The following IDH3A variants were observed in gnomAD, a reference collection of about 807,000 sequenced individuals.
The protein encoded by IDH3A is isocitrate dehydrogenase (NAD(+)) 3 catalytic subunit alpha.
Under a neutral mutation model 43.3 loss-of-function variants are expected in IDH3A, and 23 were observed. That is an observed-to-expected ratio of 0.53 (90% CI 0.38 to 0.75). The LOEUF is 0.75. Ranked by LOEUF, IDH3A falls within the 30% of genes least tolerant of loss-of-function variation. IDH3A has a pLI of 0.00. For missense variants in IDH3A, 329 were observed against 474.4 expected, an observed-to-expected ratio of 0.69 and a Z score of 2.85; for synonymous variants, 154 against 163.5, an observed-to-expected ratio of 0.94 and a Z score of 0.44.
At chr15:78,153,287 G>T (rs975656820) in intron 1 of IDH3A, among the ~76,000 whole-genome samples, 3 of 152,170 alleles carry the variant, frequency 2.0e-5, no homozygotes, top group African/African-American at 7.2e-5. Context: ...TAGAGACAGG[G>T]TCTCACTTTG....
In IDH3A at chr15:78,171,478, A is replaced by G; in HGVS notation, c.*2473A>G. On this transcript the variant is annotated 3_prime_UTR_variant, in exon 11 of 11. Transcript: ENST00000299518. ...TTGCTCTTGGTAAAAGGAGTCAATG[A>G]TACCTTTGTACTTCTCCAAAACTGT... is the stretch of plus-strand genomic sequence containing the variant. The G allele has an allele frequency of 6.8e-6, 11 of 1,614,186 alleles. No homozygotes were observed. The highest frequency in any genetic ancestry group is 9.3e-6 in the Non-Finnish European group (11 of 1,180,004).
chr15:78,164,440 C>T (rs1426679528), intron 8 of IDH3A, among the ~76,000 whole-genome samples: 3 of 151,624 alleles, frequency 2.0e-5, no homozygotes, highest in African/African-American at 7.3e-5. Context: ...GCAACCTCTA[C>T]CTCCCAGGTT....
Position 78,162,379 on chromosome 15 carries a change from G to A in IDH3A, c.611+12G>A. ...AAAGCCAACATCATGTGAGCTCCTT[G>A]CGGGGGCCGGCACCCCATCTTGCTT... On this transcript the variant is annotated intron_variant, in intron 6 of 10. Transcript: ENST00000299518. The A allele has an allele frequency of 6.2e-7, 1 of 1,612,516 alleles. No individual in the cohort carries two copies. Among genetic ancestry groups the A allele is most frequent in the Non-Finnish European group, 8.5e-7 (1 of 1,179,050 alleles).
chr15:78,163,787 C>G lies in IDH3A; in HGVS notation c.779+7C>G, dbSNP rs771318869. On this transcript the variant is annotated splice_region_variant and intron_variant, in intron 8 of 10. Transcript: ENST00000299518. The stretch of plus-strand genomic sequence containing the variant: ...TGTATGGAGACATCCTTAGGTGAGT[C>G]TGGCTGCAACCTATTTATTTTAGCC... 1 of 1,583,160 alleles carries G rather than the reference C, an allele frequency of 6.3e-7. No individual in the cohort carries two copies. The highest frequency in any genetic ancestry group is 1.3e-5 in the African/African-American group (1 of 74,286).
intron 6 of IDH3A, among the ~76,000 whole-genome samples, 179 bp downstream of exon 6, chr15:78,162,546 T>C (rs999453954): frequency 2.3e-5 from 1 of 44,000 alleles, no homozygotes; most frequent in Non-Finnish European, 5.1e-5. Context: ...TTCTCCTCTG[T>C]TTTTTTTTTT....
intron 6 of IDH3A, 28 bp from the exon 7 acceptor site, chr15:78,163,479 T>TC (rs2074704915): frequency 6.8e-7 from 1 of 1,472,360 alleles, no homozygotes; most frequent in Non-Finnish European, 9.4e-7. Context: ...GACTTTTTTT[T>TC]CAGCAGTTTT....
chr15:78,160,534 C>G (rs558597645), intron 4 of IDH3A, among the ~76,000 whole-genome samples: 21 of 152,230 alleles, frequency 1.4e-4, no homozygotes, highest in Non-Finnish European at 2.9e-5. Flanking sequence ...CTCTGTTGCC[C>G]AGGCTGGAGT....
At position 78,161,836 on chromosome 15, in the gene IDH3A, A is replaced by G. The variant is rs766232622; in HGVS notation, c.477+68A>G. The G allele has an allele frequency of 1.6e-4, 218 of 1,351,316 alleles. No homozygotes were observed. The highest frequency in any genetic ancestry group is 2.2e-4 in the Non-Finnish European group (206 of 951,898). 83.7% of individuals were successfully genotyped at this position (1,351,316 alleles called of 1,614,324 possible). On this transcript the variant is annotated intron_variant, in intron 5 of 10. Transcript: ENST00000299518. This position sits in a 1 kb window ranked among gnomAD's most constrained non-coding sequence, Gnocchi z 4.8. ...TTTCTGTGCATCTGGGACCCCAGAG[A>G]CAGATCTGCTTTATCTCTGTGAGGA...
chr15:78,162,287 G>A lies in IDH3A; in HGVS notation c.531G>A (p.Lys177=). ...AGCTCATCACCGAGGGGGCGAGCAA[G>A]CGCATTGCTGAGTTTGCCTTTGAGT... The part of the protein sequence containing the change: ...SIKLITEGAS[K]RIAEFAFEYA... Residue 177 remains lysine, a synonymous_variant, in exon 6 of 11, where the codon AAG becomes AAA. Coordinates refer to ENST00000299518, the MANE Select transcript of IDH3A (RefSeq NM_005530.3). 1 of 1,614,212 alleles carries A rather than the reference G, an allele frequency of 6.2e-7. No homozygotes were observed. The highest frequency in any genetic ancestry group is 1.1e-5 in the South Asian group (1 of 91,092).
At chr15:78,166,741 C>G (rs1182650416) in intron 10 of IDH3A, among the ~76,000 whole-genome samples, 1 of 152,190 alleles carries the variant, frequency 6.6e-6, no homozygotes, top group Non-Finnish European at 1.5e-5. Flanking sequence ...AAGCAGTTCT[C>G]CTGCCTCAGC....
chr15:78,153,130 T>C (rs1247145485), intron 1 of IDH3A, among the ~76,000 whole-genome samples: 3 of 152,076 alleles, frequency 2.0e-5, no homozygotes, highest in African/African-American at 7.2e-5. Flanking sequence ...CTTTTTTTTG[T>C]CCATTACCTA....
intron 6 of IDH3A, 60 bp from the exon 7 acceptor site, chr15:78,163,446 AT>A (rs2074704424): frequency 8.3e-7 from 1 of 1,206,180 alleles, no homozygotes; most frequent in African/African-American, 1.5e-5. Context: ...TACTTCTTTG[AT>A]TTGATTCTTT....
intron 5 of IDH3A, 57 bp from the exon 6 acceptor site, chr15:78,162,177 C>A: frequency 6.2e-7 from 1 of 1,601,968 alleles, no homozygotes; most frequent in Non-Finnish European, 8.5e-7. Flanking sequence ...CACCCTCTGT[C>A]TCCCACTGCG....
intron 9 of IDH3A, among the ~76,000 whole-genome samples, chr15:78,165,422 C>G (rs1032875121): frequency 1.3e-5 from 2 of 152,022 alleles, no homozygotes; most frequent in Non-Finnish European, 2.9e-5. Flanking sequence ...AACTCCTGAT[C>G]TCAGATGATC....
intron 1 of IDH3A, among the ~76,000 whole-genome samples, chr15:78,153,827 G>T (rs62009334): frequency 0.064 from 9,667 of 152,046 alleles, 363 homozygotes; most frequent in South Asian, 0.19. Context: ...GAGACCAGCC[G>T]GGCCAACATG....
intron 1 of IDH3A, among the ~76,000 whole-genome samples, chr15:78,152,303 C>T (rs1233694613): frequency 4.0e-5 from 6 of 151,224 alleles, no homozygotes; most frequent in African/African-American, 1.2e-4. Context: ...GGTGATCCAC[C>T]GGCCTCAGCC....
chr15:78,150,838 G>C (rs2074568121), intron 1 of IDH3A: 1 of 152,122 alleles, frequency 6.6e-6, no homozygotes, highest in Admixed American at 6.5e-5. Flanking sequence ...ACCCAGATTT[G>C]CTTGTGATGA....
intron 8 of IDH3A, 139 bp downstream of exon 8, chr15:78,163,919 C>A (rs942423484): frequency 1.6e-6 from 1 of 632,538 alleles, no homozygotes; most frequent in Non-Finnish European, 2.8e-6. Context: ...TCTAACAGTT[C>A]AGGTTGTGAT....
At chr15:78,162,639 G>A (rs1001039260) in intron 6 of IDH3A, among the ~76,000 whole-genome samples, 3 of 148,492 alleles carry the variant, frequency 2.0e-5, no homozygotes, top group African/African-American at 5.0e-5. Context: ...TCCGCCTCCC[G>A]GGTTCCAGCA....
Sources: allele counts gnomAD v4.1 joint callset (sites outside exome capture counted in the v4.1 genomes callset), GRCh38; gene constraint gnomAD v4.1.1; non-coding constraint Gnocchi (gnomAD v3.1); transcripts MANE v1.5; gene names NCBI Gene and HGNC (gene_info 2026-07-23, HGNC 2026-07-21).